CERS6: variants seen among roughly 807,000 people sequenced by gnomAD.
CERS6 encodes the protein ceramide synthase 6, also known as LAG1 homolog, ceramide synthase 6.
Under a neutral mutation model 56.8 loss-of-function variants are expected in CERS6, and 26 were observed. The ratio of observed to expected loss-of-function variants is 0.46; its 90% CI spans 0.34 to 0.63. The LOEUF is 0.63. Ranked by LOEUF, CERS6 falls within the 30% of genes least tolerant of loss-of-function variation. The probability of loss-of-function intolerance (pLI) is 0.01; values close to 1 mark genes in which losing one functional copy is unlikely to be tolerated. For missense variants in CERS6, 415 were observed against 467.5 expected, an observed-to-expected ratio of 0.89 and a Z score of 1.04; for synonymous variants, 164 against 173.3, an observed-to-expected ratio of 0.95 and a Z score of 0.42.
intron 1 of CERS6, among the ~76,000 whole-genome samples, chr2:168,528,263 G>A (rs1440224545): frequency 1.3e-5 from 2 of 152,188 alleles, no homozygotes; most frequent in East Asian, 1.9e-4. Flanking sequence ...CCCAGCAGGA[G>A]TGTTTTGTTT....
chr2:168,542,082 C>A (rs1043486885), intron 1 of CERS6, among the ~76,000 whole-genome samples: 5 of 152,130 alleles, frequency 3.3e-5, no homozygotes, highest in Non-Finnish European at 7.4e-5. Flanking sequence ...AAGTCAGTTT[C>A]CTTTTTTTCA....
chr2:168,511,923 T>C (rs540708023), intron 1 of CERS6, among the ~76,000 whole-genome samples: 2 of 148,016 alleles, frequency 1.4e-5, no homozygotes, highest in East Asian at 4.0e-4. Flanking sequence ...ATGTGAGACA[T>C]ACATACCCAT....
chr2:168,485,840 A>C (rs1993223), intron 1 of CERS6, among the ~76,000 whole-genome samples: 11,788 of 152,152 alleles, frequency 0.077, 510 homozygotes, highest in East Asian at 0.18. Flanking sequence ...AAGTTTTCAA[A>C]CCATTTGGGT....
chr2:168,748,823 G>C (rs947349207), intron 8 of CERS6, among the ~76,000 whole-genome samples: 2 of 121,206 alleles, frequency 1.7e-5, no homozygotes, highest in African/African-American at 7.8e-5. Flanking sequence ...AAATGGCGTG[G>C]TTGGGGGTGG....
chr2:168,634,876 A>G (rs1219532564), intron 4 of CERS6, among the ~76,000 whole-genome samples: 1 of 152,226 alleles, frequency 6.6e-6, no homozygotes, highest in Non-Finnish European at 1.5e-5. Flanking sequence ...ATAAAGAATC[A>G]TTAACCAGAG....
intron 6 of CERS6, among the ~76,000 whole-genome samples, chr2:168,697,043 T>C (rs1243109960): frequency 3.9e-5 from 6 of 152,196 alleles, no homozygotes; most frequent in Non-Finnish European, 5.9e-5. Context: ...GGTATCCAAG[T>C]GGCAGCTGAA....
intron 1 of CERS6, among the ~76,000 whole-genome samples, chr2:168,467,763 C>T (rs567467446): frequency 6.6e-5 from 10 of 152,302 alleles, no homozygotes; most frequent in African/African-American, 2.4e-4. Flanking sequence ...CGTAAAAATA[C>T]ACGTTGTGTA....
intron 3 of CERS6, among the ~76,000 whole-genome samples, chr2:168,611,523 A>G (rs1436725728): frequency 6.6e-6 from 1 of 152,244 alleles, no homozygotes; most frequent in African/African-American, 2.4e-5. Context: ...AAACCCATGA[A>G]TAAACATACT....
At chr2:168,727,107 G>C (rs1683374052) in intron 8 of CERS6, among the ~76,000 whole-genome samples, 1 of 152,194 alleles carries the variant, frequency 6.6e-6, no homozygotes, top group South Asian at 2.1e-4. Flanking sequence ...CTACAGGAGG[G>C]TTAGAGTCAA....
At chr2:168,765,892 C>T (rs1166724817) in intron 9 of CERS6, 144 bp downstream of exon 9, 3 of 731,370 alleles carry the variant, frequency 4.1e-6, no homozygotes, top group Middle Eastern at 4.0e-4. Context: ...ATTTCCTTTT[C>T]TAGTTCATTT....
chr2:168,537,866 A>T (rs554333153), intron 1 of CERS6, among the ~76,000 whole-genome samples: 1 of 152,236 alleles, frequency 6.6e-6, no homozygotes, highest in Admixed American at 6.5e-5. Context: ...AATAAGCATA[A>T]CCTCAGACTT....
In CERS6 at chr2:168,735,520, A is replaced by G. The variant is rs115710669; in HGVS notation, c.845+17542A>G. 3.1e-3 allele frequency among the ~76,000 whole-genome samples: 477 copies of G among 152,224 alleles called. 3 individuals carry two copies. Among genetic ancestry groups the G allele is most frequent in the African/African-American group, 0.011 (465 of 41,544 alleles). On this transcript the variant is annotated intron_variant, in intron 8 of 9. Coordinates refer to ENST00000305747, the MANE Select transcript of CERS6 (RefSeq NM_203463.3). ...TCTATGAGTGTGATCCTTGGACATGAAACAGTTTCCGAGTACAGAGTATGA... is the reference window on the plus strand; with the variant it reads ...TCTATGAGTGTGATCCTTGGACATGGAACAGTTTCCGAGTACAGAGTATGA...
intron 8 of CERS6, among the ~76,000 whole-genome samples, chr2:168,728,876 C>G (rs1193057781): frequency 6.6e-6 from 1 of 151,630 alleles, no homozygotes; most frequent in East Asian, 2.0e-4. Flanking sequence ...CATGGTGGCA[C>G]ACGCCTCTGT....
At chr2:168,574,900 A>C (rs1015142520) in intron 3 of CERS6, among the ~76,000 whole-genome samples, 2 of 152,226 alleles carry the variant, frequency 1.3e-5, no homozygotes, top group East Asian at 1.9e-4. Flanking sequence ...GTTAAAGCTC[A>C]TAGTTTTATT....
chr2:168,505,625 T>G (rs1694664013), intron 1 of CERS6, among the ~76,000 whole-genome samples: 1 of 152,132 alleles, frequency 6.6e-6, no homozygotes, highest in Non-Finnish European at 1.5e-5. Context: ...TGGAGTTAAG[T>G]ACTGAAAGCA....
chr2:168,571,294 C>A (rs988492085), intron 3 of CERS6, among the ~76,000 whole-genome samples: 2 of 151,844 alleles, frequency 1.3e-5, no homozygotes, highest in Admixed American at 6.6e-5. Context: ...ATTCGCCTTG[C>A]GGTTATTAGC....
chr2:168,628,174 T>C (rs4146713), intron 3 of CERS6, among the ~76,000 whole-genome samples: 2,624 of 152,302 alleles, frequency 0.017, 103 homozygotes, highest in East Asian at 0.16. Context: ...TTTGAATCTT[T>C]AACATGCCGT....
At chr2:168,534,210 C>T (rs182079467) in intron 1 of CERS6, among the ~76,000 whole-genome samples, 22 of 152,208 alleles carry the variant, frequency 1.4e-4, no homozygotes, top group Non-Finnish European at 2.9e-4. Context: ...CTTCTGAAGC[C>T]TACTTCTGTC....
intron 8 of CERS6, among the ~76,000 whole-genome samples, chr2:168,754,149 A>G (rs1684355959): frequency 1.3e-5 from 2 of 152,120 alleles, no homozygotes; most frequent in African/African-American, 4.8e-5. Context: ...AGGAGGCACT[A>G]TGGGTCCGTG....
Sources: gnomAD v4.1 joint callset for allele counts (sites outside exome capture counted in the v4.1 genomes callset) on GRCh38, gnomAD v4.1.1 for gene constraint, MANE v1.5 for transcripts, NCBI Gene and HGNC (gene_info 2026-07-23, HGNC 2026-07-21) for gene names.